CERS6: variants seen among roughly 807,000 people sequenced by gnomAD.
The protein encoded by CERS6 is ceramide synthase 6.
A neutral mutation model predicts 56.8 loss-of-function variants in CERS6; 26 were observed. That is an observed-to-expected ratio of 0.46 (90% CI 0.34 to 0.63). The LOEUF (loss-of-function observed/expected upper bound fraction) is 0.63. CERS6 is among the 30% of genes least tolerant of loss of function. The pLI, the probability that CERS6 is intolerant of heterozygous loss-of-function variation, is 0.01. For missense variants in CERS6, 415 were observed against 467.5 expected (o/e 0.89, Z 1.04); for synonymous variants, 164 against 173.3 (o/e 0.95, Z 0.42).
intron 8 of CERS6, among the ~76,000 whole-genome samples, chr2:168,722,531 A>G (rs1683213504): frequency 6.6e-6 from 1 of 152,052 alleles, no homozygotes; most frequent in Non-Finnish European, 1.5e-5. Context: ...CCATTTCTCG[A>G]TTGGCTATTG....
chr2:168,566,194 A>G (rs556812311), intron 3 of CERS6, among the ~76,000 whole-genome samples: 1 of 152,324 alleles, frequency 6.6e-6, no homozygotes, highest in Admixed American at 6.5e-5. Context: ...TTATTTAAGC[A>G]GTCTCAAAGA....
chr2:168,575,388 C>T (rs377418431), intron 3 of CERS6, among the ~76,000 whole-genome samples: 2 of 151,972 alleles, frequency 1.3e-5, no homozygotes, highest in East Asian at 3.9e-4. Context: ...GCAAGGCAGG[C>T]ACGTCTTACA....
chr2:168,491,786 C>G (rs527901181), intron 1 of CERS6, among the ~76,000 whole-genome samples: 29 of 151,324 alleles, frequency 1.9e-4, no homozygotes, highest in Admixed American at 7.9e-4. Context: ...CCCTCACCCC[C>G]CAACAGGCCC....
chr2:168,559,733 T>TTATTTATATATATATATATATATATA (rs61031993), intron 2 of CERS6, among the ~76,000 whole-genome samples: 12 of 66,244 alleles, frequency 1.8e-4, no homozygotes, highest in African/African-American at 4.5e-4. Flanking sequence ...TAGAAAGGTA[T>TTATTTATATATATATATATATATATA]CATATATATA....
chr2:168,600,210 C>CTCTCTCTCT (rs746353045), intron 3 of CERS6, among the ~76,000 whole-genome samples: 4 of 145,734 alleles, frequency 2.7e-5, no homozygotes, highest in Non-Finnish European at 4.6e-5. Flanking sequence ...CTCTCTCTCT[C>CTCTCTCTCT]TTTTTTTTTT....
chr2:168,627,980 G>A (rs1684628464), intron 3 of CERS6, among the ~76,000 whole-genome samples: 1 of 152,000 alleles, frequency 6.6e-6, no homozygotes, highest in South Asian at 2.1e-4. Context: ...TTCAGACTCT[G>A]TGCAATGCTC....
At chr2:168,566,436 C>T (rs1412798030) in intron 3 of CERS6, among the ~76,000 whole-genome samples, 1 of 152,096 alleles carries the variant, frequency 6.6e-6, no homozygotes, top group African/African-American at 2.4e-5. Context: ...AACCTGGGAC[C>T]CTTTCGAAAC....
chr2:168,530,232 A>G (rs1437438229), intron 1 of CERS6, among the ~76,000 whole-genome samples: 5 of 152,212 alleles, frequency 3.3e-5, no homozygotes, highest in African/African-American at 1.2e-4. Flanking sequence ...AATCGCATTC[A>G]GTGAGGTACA....
At chr2:168,702,109 T>A (rs1369727102) in intron 6 of CERS6, among the ~76,000 whole-genome samples, 2 of 152,274 alleles carry the variant, frequency 1.3e-5, no homozygotes, top group South Asian at 2.1e-4. Flanking sequence ...CGTCCATTTT[T>A]TAAAAAGTTT....
intron 3 of CERS6, among the ~76,000 whole-genome samples, chr2:168,588,327 A>G (rs993303040): frequency 1.3e-5 from 2 of 152,124 alleles, no homozygotes; most frequent in African/African-American, 4.8e-5. Context: ...TGTGTTGTAC[A>G]ATGCAACCAT....
intron 4 of CERS6, among the ~76,000 whole-genome samples, chr2:168,682,234 A>G (rs1226868135): frequency 1.3e-5 from 2 of 152,186 alleles, no homozygotes; most frequent in African/African-American, 4.8e-5. Flanking sequence ...TTGACTTTTT[A>G]TTATCCAGAT....
At position 168,771,329 on chromosome 2, in the gene CERS6, G is replaced by A. The variant is rs915415426; in HGVS notation, c.*1667G>A. The A allele has an allele frequency of 2.0e-5, 3 of 152,108 alleles. No individual in the cohort carries two copies. Among genetic ancestry groups the A allele is most frequent in the South Asian group, 2.1e-4 (1 of 4,822 alleles). 9.4% of individuals were successfully genotyped at this position (152,108 alleles called of 1,614,324 possible). ...TGTTCCCAACCAAAAAATTCTTACCGTAATATTATATCTTGCCCTACTTAT... is the reference window on the plus strand; with the variant it reads ...TGTTCCCAACCAAAAAATTCTTACCATAATATTATATCTTGCCCTACTTAT... On this transcript the variant is annotated 3_prime_UTR_variant, in exon 10 of 10. Coordinates refer to ENST00000305747, the MANE Select transcript of CERS6 (RefSeq NM_203463.3).
Position 168,773,390 on chromosome 2 carries a change from T to A in CERS6, c.*3728T>A, listed in dbSNP as rs912575696. The A allele has an allele frequency of 2.2e-4, 33 of 152,242 alleles. No individual in the cohort carries two copies. The highest frequency in any genetic ancestry group is 3.8e-4 in the Non-Finnish European group (26 of 68,048). 9.4% of individuals were successfully genotyped at this position (152,242 alleles called of 1,614,324 possible). A position where few individuals can be genotyped will look rare whatever the true frequency, so the allele number is the denominator to read the frequency against. ...TAAATGTTTACATTTCATGTGGTAT[T>A]TCAGGTCTTCAGGTTCTGATTAGCT... On this transcript the variant is annotated 3_prime_UTR_variant, in exon 10 of 10. Transcript: ENST00000305747.
intron 4 of CERS6, among the ~76,000 whole-genome samples, chr2:168,676,338 A>G (rs931730744): frequency 1.3e-5 from 2 of 152,124 alleles, no homozygotes; most frequent in African/African-American, 4.8e-5. Context: ...GTTTTTTATC[A>G]TGCATTGGTC....
At chr2:168,625,325 C>T (rs1684566489) in intron 3 of CERS6, among the ~76,000 whole-genome samples, 1 of 152,074 alleles carries the variant, frequency 6.6e-6, no homozygotes, top group Admixed American at 6.6e-5. Context: ...ATTGATTGAT[C>T]ACGTTAGAAG....
chr2:168,591,329 A>G (rs1055847842), intron 3 of CERS6, among the ~76,000 whole-genome samples: 1 of 152,266 alleles, frequency 6.6e-6, no homozygotes, highest in Admixed American at 6.5e-5. Flanking sequence ...CACCATCCAC[A>G]TCATGAAGTT....
At chr2:168,642,318 G>A (rs1399450089) in intron 4 of CERS6, among the ~76,000 whole-genome samples, 1 of 152,186 alleles carries the variant, frequency 6.6e-6, no homozygotes, top group African/African-American at 2.4e-5. Context: ...CTCCAGCCTG[G>A]GAGACAGAAT....
At chr2:168,662,537 T>G (rs994116268) in intron 4 of CERS6, among the ~76,000 whole-genome samples, 2 of 152,184 alleles carry the variant, frequency 1.3e-5, no homozygotes. Flanking sequence ...AAGACCAGCC[T>G]GGCCAACATG....
At chr2:168,666,843 G>C (rs888100224) in intron 4 of CERS6, among the ~76,000 whole-genome samples, 1 of 152,128 alleles carries the variant, frequency 6.6e-6, no homozygotes, top group Non-Finnish European at 1.5e-5. Flanking sequence ...TGTATAAAAG[G>C]CCTGAGATAT....
Sources: allele counts gnomAD v4.1 joint callset (sites outside exome capture counted in the v4.1 genomes callset), GRCh38; gene constraint gnomAD v4.1.1; transcripts MANE v1.5; gene names NCBI Gene and HGNC (gene_info 2026-07-23, HGNC 2026-07-21).